The following GCA variants were observed in gnomAD, a reference collection of about 807,000 sequenced individuals.
The protein encoded by GCA is grancalcin, EF-hand calcium-binding protein.
A neutral mutation model predicts 32.6 loss-of-function variants in GCA; 30 were observed. That is an observed-to-expected ratio of 0.92 (90% CI 0.69 to 1.25). The LOEUF (loss-of-function observed/expected upper bound fraction) is 1.25. GCA is among the 50% of genes most tolerant of loss of function. GCA has a pLI of 0.00. For synonymous variants in GCA, 102 were observed against 84.6 expected, an observed-to-expected ratio of 1.21 and a Z score of -1.13; for missense variants, 291 against 266.8, an observed-to-expected ratio of 1.09 and a Z score of -0.63.
intron 1 of GCA, among the ~76,000 whole-genome samples, chr2:162,322,960 C>G (rs1048807879): frequency 4.6e-5 from 7 of 151,854 alleles, no homozygotes; most frequent in African/African-American, 1.7e-4. Context: ...ATTTCTAGTT[C>G]TAGATCCCTG....
At chr2:162,371,098 A>G (rs1057423214) in intron 4 of GCA, among the ~76,000 whole-genome samples, 2 of 152,148 alleles carry the variant, frequency 1.3e-5, no homozygotes, top group East Asian at 3.9e-4. Flanking sequence ...CCTCCAGAAA[A>G]AAAGCAAAAT....
chr2:162,327,672 G>A (rs1683934328), intron 1 of GCA, among the ~76,000 whole-genome samples: 1 of 152,158 alleles, frequency 6.6e-6, no homozygotes, highest in South Asian at 2.1e-4. Flanking sequence ...GAGGGGAAAG[G>A]GTAAGGAGAG....
At chr2:162,359,415 T>A in intron 6 of GCA, 79 bp from the exon 7 acceptor site, 1 of 662,284 alleles carries the variant, frequency 1.5e-6, no homozygotes. Flanking sequence ...AAATTATTCT[T>A]TTTGTGTACC....
At chr2:162,326,031 G>A (rs904823535) in intron 1 of GCA, among the ~76,000 whole-genome samples, 1 of 152,124 alleles carries the variant, frequency 6.6e-6, no homozygotes, top group Non-Finnish European at 1.5e-5. Context: ...TGGGGAGGTC[G>A]GGGTGGACCC....
rs1406553414 is a variant in GCA at position 162,352,379 on chromosome 2, A to ATTAATGGAATAAATT, written c.234_235insTTAATGGAATAAATT (p.Thr78_Gln79insLeuMetGluTer). On this transcript the variant is annotated stop_gained and inframe_insertion, in exon 3 of 8. Coordinates refer to ENST00000437150, the MANE Select transcript of GCA (RefSeq NM_012198.5). LOFTEE classifies it high-confidence loss of function. ...CTGAAGAACTTCAGAGATGTTTGAC[A>ATTAATGGAATAAATT]CAGTCTGGAATTAATGGAACTTACT... is the stretch of plus-strand genomic sequence containing the variant. The ATTAATGGAATAAATT allele has an allele frequency of 5.0e-6, 8 of 1,593,156 alleles. No individual in the cohort carries two copies. The highest frequency in any genetic ancestry group is 6.0e-6 in the Non-Finnish European group (7 of 1,161,070).
intron 1 of GCA, among the ~76,000 whole-genome samples, chr2:162,332,841 T>A (rs1356528248): frequency 6.6e-6 from 1 of 152,120 alleles, no homozygotes; most frequent in African/African-American, 2.4e-5. Flanking sequence ...GAAGATTTAA[T>A]GTGACTTAGT....
downstream of GCA, among the ~76,000 whole-genome samples, chr2:162,363,958 T>C (rs1465851969): frequency 6.6e-6 from 1 of 151,464 alleles, no homozygotes; most frequent in Non-Finnish European, 1.5e-5. Context: ...AGGAAGCTGT[T>C]TCCCTATGTG....
chr2:162,321,832 G>A (rs1243077523), intron 1 of GCA, among the ~76,000 whole-genome samples: 1 of 146,020 alleles, frequency 6.8e-6, no homozygotes, highest in Non-Finnish European at 1.5e-5. Flanking sequence ...AAGAGATGGT[G>A]CGGTGCTAGT....
intron 1 of GCA, among the ~76,000 whole-genome samples, chr2:162,328,218 C>CAAAAAAAAAAA: frequency 1.1e-5 from 1 of 90,076 alleles, no homozygotes; most frequent in Non-Finnish European, 2.2e-5. Flanking sequence ...CTGTTTCTAC[C>CAAAAAAAAAAA]AAAAAAAAAA....
At chr2:162,353,459 A>G (rs1449931746) in intron 3 of GCA, among the ~76,000 whole-genome samples, 3 of 152,176 alleles carry the variant, frequency 2.0e-5, no homozygotes, top group Admixed American at 1.3e-4. Flanking sequence ...AGAGTGAGAC[A>G]TCATCTCAAA....
At chr2:162,351,156 G>A (rs1251541716) in intron 2 of GCA, among the ~76,000 whole-genome samples, 3 of 152,164 alleles carry the variant, frequency 2.0e-5, no homozygotes, top group East Asian at 3.9e-4. Context: ...TCTGGTTTCT[G>A]TCTTCATACA....
downstream of GCA, chr2:162,371,734 G>A (rs1057508923): frequency 8.4e-7 from 1 of 1,185,736 alleles, no homozygotes; most frequent in African/African-American, 1.5e-5. Flanking sequence ...GGTACCTTGT[G>A]AGCCCCTGAG....
chr2:162,322,069 T>C (rs1274069576), intron 1 of GCA, among the ~76,000 whole-genome samples: 2 of 150,580 alleles, frequency 1.3e-5, no homozygotes. Context: ...CGTAGCTTTT[T>C]ATTTCAAAAA....
chr2:162,334,227 T>C (rs1305071838), intron 1 of GCA, among the ~76,000 whole-genome samples: 1 of 152,190 alleles, frequency 6.6e-6, no homozygotes, highest in Non-Finnish European at 1.5e-5. Context: ...ATTAAGCTGA[T>C]TCAGTTAAAC....
At chr2:162,365,111 G>T (rs1483577342), downstream of GCA, among the ~76,000 whole-genome samples, 1 of 151,304 alleles carries the variant, frequency 6.6e-6, no homozygotes, top group Non-Finnish European at 1.5e-5. Flanking sequence ...GTTGGAAAAA[G>T]TTGGCTTCTC....
Position 162,361,474 on chromosome 2 carries a change from C to A in GCA, c.*1231C>A. On this transcript the variant is annotated 3_prime_UTR_variant, in exon 8 of 8. Transcript: ENST00000437150. Reference sequence around the variant, plus strand: ...AGTGAGTGACATAATTTTATGACTGCTGACCAAATTAATTTATAGATTTTA... The same window carrying A: ...AGTGAGTGACATAATTTTATGACTGATGACCAAATTAATTTATAGATTTTA... The A allele has an allele frequency of 1.0e-6, 1 of 974,176 alleles. No homozygotes were observed. The highest frequency in any genetic ancestry group is 1.2e-6 in the Non-Finnish European group (1 of 820,040). 60.3% of individuals were successfully genotyped at this position (974,176 alleles called of 1,614,324 possible). A position where few individuals can be genotyped will look rare whatever the true frequency, so the allele number is the denominator to read the frequency against.
Position 162,356,846 on chromosome 2 carries a change from A to G in GCA, c.395A>G (p.Asp132Gly). The change falls in exon 5 of 8, where the codon GAT becomes GGT. Residue 132 changes from aspartate (D) to glycine (G), a missense_variant. By Grantham distance (94) the Asp-to-Gly change is moderately conservative. Transcript: ENST00000437150. The part of the protein sequence containing the change: ...NAWKENFMTV[D>G]QDGSGTVEHH... ...TGGAAGGAAAACTTCATGACTGTTG[A>G]TCAAGATGGAAGTGGCACAGTAGAA... 1 of 1,610,618 alleles carries G rather than the reference A, an allele frequency of 6.2e-7. No individual in the cohort carries two copies. Among genetic ancestry groups the G allele is most frequent in the East Asian group, 2.2e-5 (1 of 44,812 alleles).
chr2:162,340,860 A>C (rs1684420195), upstream of GCA, among the ~76,000 whole-genome samples: 1 of 152,150 alleles, frequency 6.6e-6, no homozygotes, highest in South Asian at 2.1e-4. Context: ...TAACTCATTC[A>C]TGACCTCTAA....
downstream of GCA, among the ~76,000 whole-genome samples, chr2:162,365,674 A>G (rs1417610836): frequency 6.6e-6 from 1 of 151,656 alleles, no homozygotes; most frequent in Non-Finnish European, 1.5e-5. Context: ...ACTGGTAAAC[A>G]TTCTGGTGTA....
Sources: gnomAD v4.1 joint callset for allele counts (sites outside exome capture counted in the v4.1 genomes callset) on GRCh38, gnomAD v4.1.1 for gene constraint, MANE v1.5 for transcripts, NCBI Gene and HGNC (gene_info 2026-07-23, HGNC 2026-07-21) for gene names.